Variants in HMGA2 observed in about 807,000 individuals in gnomAD.
HMGA2 encodes high mobility group protein HMGI-C.
A neutral mutation model predicts 19.1 loss-of-function variants in HMGA2; 8 were observed. The ratio of observed to expected loss-of-function variants is 0.42; its 90% CI spans 0.25 to 0.76. The LOEUF (loss-of-function observed/expected upper bound fraction) is 0.76, where lower values mean the gene tolerates loss of function less well. HMGA2 is among the 30% of genes least tolerant of loss of function. The pLI is 0.28. For synonymous variants in HMGA2, 60 were observed against 48.8 expected, an observed-to-expected ratio of 1.23 and a Z score of -0.96; for missense variants, 109 against 136.3, an observed-to-expected ratio of 0.80 and a Z score of 1.00.
chr12:65,958,294 G>C (rs574985923), intron 4 of HMGA2: 1 of 152,194 alleles, frequency 6.6e-6, no homozygotes, highest in African/African-American at 2.4e-5. Flanking sequence ...TACAATTGCT[G>C]TCAATATCTC....
chr12:65,905,997 T>G (rs1270038704), intron 3 of HMGA2, among the ~76,000 whole-genome samples: 1 of 152,202 alleles, frequency 6.6e-6, no homozygotes, highest in Non-Finnish European at 1.5e-5. Context: ...GTAACCAGAT[T>G]AGATCAGCAA....
At chr12:65,907,656 C>T (rs1440065817) in intron 3 of HMGA2, among the ~76,000 whole-genome samples, 1 of 152,058 alleles carries the variant, frequency 6.6e-6, no homozygotes, top group Non-Finnish European at 1.5e-5. Context: ...AGGGTGGCCA[C>T]TTACAAGGCA....
chr12:65,949,017 G>A (rs772369404), intron 3 of HMGA2, among the ~76,000 whole-genome samples: 8 of 152,116 alleles, frequency 5.3e-5, no homozygotes, highest in Non-Finnish European at 1.2e-4. Context: ...AATCAACAGG[G>A]AAAAATGGGA....
chr12:65,873,754 G>A (rs1289698777), intron 3 of HMGA2: 1 of 152,140 alleles, frequency 6.6e-6, no homozygotes, highest in African/African-American at 2.4e-5. Context: ...TAAAGACAGG[G>A]AACTGAGGAT....
chr12:65,879,085 T>A (rs1873212682), intron 3 of HMGA2, among the ~76,000 whole-genome samples: 1 of 152,208 alleles, frequency 6.6e-6, no homozygotes, highest in Non-Finnish European at 1.5e-5. Context: ...GGTATGTACA[T>A]CTGAGACAGT....
intron 3 of HMGA2, among the ~76,000 whole-genome samples, chr12:65,868,425 A>G (rs1872544513): frequency 6.6e-6 from 1 of 152,096 alleles, no homozygotes; most frequent in Non-Finnish European, 1.5e-5. Flanking sequence ...GGAAAACTAA[A>G]TATCATCCCG....
At chr12:65,923,484 G>A (rs1875393275) in intron 3 of HMGA2, among the ~76,000 whole-genome samples, 1 of 152,224 alleles carries the variant, frequency 6.6e-6, no homozygotes, top group Admixed American at 6.5e-5. Flanking sequence ...CAGGGACTAA[G>A]CTGGTACAGT....
At chr12:65,896,816 A>G (rs1874151145) in intron 3 of HMGA2, among the ~76,000 whole-genome samples, 3 of 152,236 alleles carry the variant, frequency 2.0e-5, no homozygotes. Context: ...TCTTTCTTAC[A>G]TGCTGGCATT....
chr12:65,962,660 C>A (rs1284730242), intron 4 of HMGA2, among the ~76,000 whole-genome samples: 1 of 152,124 alleles, frequency 6.6e-6, no homozygotes, highest in Non-Finnish European at 1.5e-5. Context: ...CAGTACCAAC[C>A]CGACCCAAAT....
intron 3 of HMGA2, among the ~76,000 whole-genome samples, chr12:65,936,937 G>T (rs367550837): frequency 6.6e-6 from 1 of 152,036 alleles, no homozygotes; most frequent in Non-Finnish European, 1.5e-5. Context: ...TATGTGAAGG[G>T]AATGGAACTC....
intron 4 of HMGA2, chr12:65,955,335 A>G (rs1244343743): frequency 6.6e-6 from 1 of 151,980 alleles, no homozygotes; most frequent in Non-Finnish European, 1.5e-5. Context: ...AAAGTACCAG[A>G]TTATTATTAT....
intron 3 of HMGA2, among the ~76,000 whole-genome samples, chr12:65,915,711 C>G (rs1875074334): frequency 6.6e-6 from 1 of 152,160 alleles, no homozygotes; most frequent in Non-Finnish European, 1.5e-5. Flanking sequence ...CCTTTGAATA[C>G]CTACCTTGAC....
chr12:65,840,864 T>C (rs1302854578), intron 3 of HMGA2, among the ~76,000 whole-genome samples: 1 of 152,140 alleles, frequency 6.6e-6, no homozygotes, highest in Non-Finnish European at 1.5e-5. Flanking sequence ...ACCAGCAAAC[T>C]AACCTCCATC....
At chr12:65,893,559 T>C (rs1874003440) in intron 3 of HMGA2, among the ~76,000 whole-genome samples, 1 of 152,238 alleles carries the variant, frequency 6.6e-6, no homozygotes, top group Non-Finnish European at 1.5e-5. Flanking sequence ...TAGAGATTTT[T>C]CATCCTTTGC....
At chr12:65,842,311 A>C in intron 3 of HMGA2, 1 of 614,258 alleles carries the variant, frequency 1.6e-6, no homozygotes, top group East Asian at 3.3e-5. Flanking sequence ...AAAGGGCTTA[A>C]TAAAGAGCAT....
intron 3 of HMGA2, among the ~76,000 whole-genome samples, chr12:65,945,950 G>A (rs1876249070): frequency 6.6e-6 from 1 of 152,136 alleles, no homozygotes; most frequent in Admixed American, 6.5e-5. Context: ...CTAGTTCAAT[G>A]AGCTGGCTTA....
intron 4 of HMGA2, 44 bp downstream of exon 4, chr12:65,951,459 A>T: frequency 8.0e-7 from 1 of 1,242,746 alleles, no homozygotes; most frequent in Non-Finnish European, 1.1e-6. Context: ...TAATATAAAA[A>T]GTGAAATATG....
At position 65,825,872 on chromosome 12, in the gene HMGA2, G is replaced by A. The variant is rs1870146086; in HGVS notation, c.111+491G>A. 6.6e-6 allele frequency: 1 copy of A among 151,994 alleles called. No individual in the cohort carries two copies. Among genetic ancestry groups the A allele is most frequent in the Admixed American group, 6.5e-5 (1 of 15,274 alleles). 9.4% of individuals were successfully genotyped at this position (151,994 alleles called of 1,614,324 possible). On this transcript the variant is annotated intron_variant, in intron 1 of 4. Transcript: ENST00000403681. This position sits in a 1 kb window ranked among gnomAD's most constrained non-coding sequence, Gnocchi z 4.4. ...TCCCGCCTCCCGGGGCTGCTCGCGG[G>A]TCGGGGGCTGGCGCGCCGCAGCCGC...
chr12:65,833,413 G>GT (rs11327522), intron 2 of HMGA2, among the ~76,000 whole-genome samples: 1,807 of 143,270 alleles, frequency 0.013, 13 homozygotes, highest in Non-Finnish European at 0.016. Context: ...TATTTTTCTA[G>GT]TTTTTTTTTT....
Sources: gnomAD v4.1 joint callset for allele counts (sites outside exome capture counted in the v4.1 genomes callset) on GRCh38, gnomAD v4.1.1 for gene constraint, Gnocchi (gnomAD v3.1) non-coding constraint, MANE v1.5 for transcripts, NCBI Gene and HGNC (gene_info 2026-07-23, HGNC 2026-07-21) for gene names.